Variants in FLNC observed in about 807,000 individuals in gnomAD.
FLNC encodes the protein filamin C.
Under a neutral mutation model 254.3 loss-of-function variants are expected in FLNC, and 91 were observed. That is an observed-to-expected ratio of 0.36 (90% CI 0.30 to 0.43). The LOEUF is 0.43. FLNC is among the 20% of genes least tolerant of loss of function. The pLI is 1.00. For synonymous variants in FLNC, 1,430 were observed against 1,577.2 expected, an observed-to-expected ratio of 0.91 and a Z score of 2.21; for missense variants, 2,853 against 3,802.6, an observed-to-expected ratio of 0.75 and a Z score of 6.57.
chr7:128,850,033 C>T lies in FLNC; in HGVS notation c.5257C>T (p.Pro1753Ser). ...EPSEVPQLRQ[P>S]YAPPRPGARP... ...CTCTGAAGTGCCACAGCTGCGCCAG[C>T]CCTACGCTCCTCCCCGGCCCGGCGC... The change falls in exon 31 of 48, where the codon CCC (proline) becomes TCC (serine). Residue 1753 changes from proline (P) to serine (S), a missense_variant. Transcript: ENST00000325888. 6.4e-7 allele frequency: 1 copy of T among 1,559,088 alleles called. No homozygotes were observed. The highest frequency in any genetic ancestry group is 1.2e-5 in the South Asian group (1 of 85,520).
chr7:128,831,134 C>A, intron 1 of FLNC, 145 bp downstream of exon 1: 2 of 746,140 alleles, frequency 2.7e-6, no homozygotes, highest in Non-Finnish European at 4.3e-6. Flanking sequence ...CTGGCCCCGG[C>A]CCTCCCACCC....
In FLNC at chr7:128,842,620, G is replaced by A. The variant is rs1031265089; in HGVS notation, c.2311G>A (p.Gly771Ser). 25 of 1,550,220 alleles carry A rather than the reference G, an allele frequency of 1.6e-5. No individual in the cohort carries two copies. Among genetic ancestry groups the A allele is most frequent in the South Asian group, 3.6e-5 (3 of 84,088 alleles). ...CCACCCCGAGCGGGTAAAGGTGTAC[G>A]GCCCCGGAGTGGAGAAGACAGGCCT... ...GSHPERVKVY[G>S]PGVEKTGLKA... The change falls in exon 15 of 48, where the codon GGC becomes AGC. Residue 771 changes from glycine (G) to serine (S), a missense_variant. Physicochemically the swap from Gly to Ser is moderately conservative, Grantham distance 56 (BLOSUM62 0). Coordinates refer to ENST00000325888, the MANE Select transcript of FLNC (RefSeq NM_001458.5). The surrounding 1 kb of genome is among the most constrained non-coding windows in gnomAD (Gnocchi z 5.4).
chr7:128,852,402 CCT>C (rs1440126130), intron 35 of FLNC, among the ~76,000 whole-genome samples, 187 bp from the exon 36 acceptor site: 1 of 152,180 alleles, frequency 6.6e-6, no homozygotes, highest in Non-Finnish European at 1.5e-5. Context: ...GGTACAGGCC[CCT>C]CTTAGTCTCT....
chr7:128,855,350 AT>A, intron 43 of FLNC, 36 bp downstream of exon 43: 2 of 1,330,922 alleles, frequency 1.5e-6, no homozygotes, highest in Non-Finnish European at 2.2e-6. Context: ...GGTTTCTGCT[AT>A]CTGAGAGATG....
chr7:128,837,064 A>T, intron 2 of FLNC, 96 bp from the exon 3 acceptor site: 2 of 885,126 alleles, frequency 2.3e-6, no homozygotes, highest in Non-Finnish European at 3.7e-6. Context: ...GAAGGGGTGT[A>T]AAGCCACAGC....
At position 128,842,581 on chromosome 7, in the gene FLNC, G is replaced by T; in HGVS notation, c.2272G>T (p.Val758Leu). Residue 758 changes from valine (V) to leucine (L), a missense_variant, in exon 15 of 48, where the codon GTG becomes TTG. Val to Leu is a conservative substitution (Grantham distance 32, BLOSUM62 1). Around this residue, in one of 10 missense-constraint regions of FLNC, gnomAD observed 1,573 missense variants for 1,883.5 expected, o/e 0.84. Transcript: ENST00000325888. This position sits in a 1 kb window ranked among gnomAD's most constrained non-coding sequence, Gnocchi z 5.4. Reference protein sequence around the residue: ...NVPKSPFRVNVGEGSHPERVK... With the variant: ...NVPKSPFRVNLGEGSHPERVK... ...GCTGCGACCCCTCCCGCAGGTGAAC[G>T]TGGGCGAGGGCAGCCACCCCGAGCG... The T allele has an allele frequency of 1.3e-6, 2 of 1,549,306 alleles. No homozygotes were observed. Among genetic ancestry groups the T allele is most frequent in the Non-Finnish European group, 1.7e-6 (2 of 1,146,942 alleles).
At position 128,854,037 on chromosome 7, in the gene FLNC, A is replaced by G; in HGVS notation, c.6548A>G (p.His2183Arg). Residue 2183 changes from histidine to arginine, a missense_variant, in exon 40 of 48, where the codon CAC becomes CGC. His to Arg is a conservative substitution (Grantham distance 29, BLOSUM62 0). Transcript: ENST00000325888. Reference sequence around the variant, plus strand: ...ACACGCACCTTCACACGCAGCAGCCACACCTACACCCGCACGGAGCGCACG... The same window carrying G: ...ACACGCACCTTCACACGCAGCAGCCGCACCTACACCCGCACGGAGCGCACG... ...RLTRTFTRSS[H>R]TYTRTERTEI... is the part of the protein sequence containing the mutation. 1 of 1,613,294 alleles carries G rather than the reference A, an allele frequency of 6.2e-7. No individual in the cohort carries two copies. The highest frequency in any genetic ancestry group is 8.5e-7 in the Non-Finnish European group (1 of 1,179,988).
Position 128,853,570 on chromosome 7 carries a change from G to A in FLNC, c.6310G>A (p.Glu2104Lys), listed in dbSNP as rs753069149. 5 of 1,614,130 alleles carry A rather than the reference G, an allele frequency of 3.1e-6. No individual in the cohort carries two copies. The highest frequency in any genetic ancestry group is 4.2e-6 in the Non-Finnish European group (5 of 1,180,038). Residue 2104 changes from glutamate to lysine, a missense_variant, in exon 38 of 48, where the codon GAG (glutamate) becomes AAG (lysine). Glu to Lys is a moderately conservative substitution (Grantham distance 56, BLOSUM62 1). This residue lies in a region of FLNC where 551 missense variants were observed against 835.0 expected (regional missense o/e 0.66). Coordinates refer to ENST00000325888, the MANE Select transcript of FLNC (RefSeq NM_001458.5). ...ATGCAAAGTCACCTACTGCCCCACC[G>A]AGCCCGGCACCTACATCATCAACAT... ...GTCKVTYCPT[E>K]PGTYIINIKF...
chr7:128,850,270 C>G (rs1808751988), intron 31 of FLNC, 114 bp from the exon 32 acceptor site: 1 of 1,036,540 alleles, frequency 9.6e-7, no homozygotes, highest in East Asian at 2.4e-5. Context: ...TCCTGCCACG[C>G]TGGTTTCATG....
Position 128,856,435 on chromosome 7 carries a change from A to G in FLNC, c.7252-83A>G. Reference sequence around the variant, plus strand: ...GCAGCAGCCTTTGGGCTGGGCTTACAGTGAGCACCGTGTGGGGCTTCAGAG... The same window carrying G: ...GCAGCAGCCTTTGGGCTGGGCTTACGGTGAGCACCGTGTGGGGCTTCAGAG... On this transcript the variant is annotated intron_variant, in intron 43 of 47. Transcript: ENST00000325888. This position sits in a 1 kb window ranked among gnomAD's most constrained non-coding sequence, Gnocchi z 5.9. The G allele has an allele frequency of 1.9e-6, 3 of 1,561,556 alleles. No individual in the cohort carries two copies. The South Asian group carries it at 3.3e-5, about 17-fold the overall frequency.
At position 128,838,697 on chromosome 7, in the gene FLNC, G is replaced by A. The variant is rs779890960; in HGVS notation, c.1305G>A (p.Thr435=). Residue 435 remains threonine, a synonymous_variant, in exon 8 of 48, where the codon ACG becomes ACA. Transcript: ENST00000325888. The part of the protein sequence containing the change: ...EVALEDKGDS[T]FRCTYRPAME... ...CCCTGGAGGACAAGGGTGACAGCAC[G>A]TTCCGCTGCACATACAGACCTGCCA... 9 of 1,612,908 alleles carry A rather than the reference G, an allele frequency of 5.6e-6. No individual in the cohort carries two copies. In the Admixed American group the frequency reaches 6.7e-5, roughly 12 times the overall value.
rs1191931821 is a variant in FLNC, at chr7:128,854,046, CCCGCACGGA to C, written c.6558_6566del (p.Arg2190_Glu2192del). The C allele has an allele frequency of 1.2e-6, 2 of 1,613,166 alleles. No homozygotes were observed. Among genetic ancestry groups the C allele is most frequent in the Non-Finnish European group, 1.7e-6 (2 of 1,180,006 alleles). ...TTCACACGCAGCAGCCACACCTACA[CCCGCACGGA>C]GCGCACGGAGATCAGCAAGACGCGG... On this transcript the variant is annotated inframe_deletion, in exon 40 of 48. Coordinates refer to ENST00000325888, the MANE Select transcript of FLNC (RefSeq NM_001458.5).
chr7:128,852,757 G>A lies in FLNC; in HGVS notation c.6004+5G>A, dbSNP rs1808874555. 1.2e-6 allele frequency: 2 copies of A among 1,613,286 alleles called. No individual in the cohort carries two copies. The highest frequency in any genetic ancestry group is 8.5e-7 in the Non-Finnish European group (1 of 1,179,792). On this transcript the variant is annotated splice_donor_5th_base_variant and intron_variant, in intron 36 of 47. Transcript: ENST00000325888. ...GCCTGCCCAACCGGCACATTGGTGA[G>A]CGTGGGGCCTCACGGGGACCTCAGG...
rs373973635 is a variant in FLNC, at chr7:128,857,132, T to A, written c.7576T>A (p.Phe2526Ile). Reference protein sequence around the residue: ...EGGTTGVSSEFIVNTLNAGSG... With the variant: ...EGGTTGVSSEIIVNTLNAGSG... ...CTGGCCCCCAGGTGTGTCATCAGAG[T>A]TCATCGTGAACACCCTGAATGCCGG... The change falls in exon 46 of 48, where the codon TTC becomes ATC. Residue 2526 changes from phenylalanine (F) to isoleucine (I), a missense_variant. Phe to Ile is a conservative substitution (Grantham distance 21). Around this residue, in one of 10 missense-constraint regions of FLNC, gnomAD observed 197 missense variants for 351.5 expected, o/e 0.56. Transcript: ENST00000325888. This position sits in a 1 kb window ranked among gnomAD's most constrained non-coding sequence, Gnocchi z 4.5. 9.9e-6 allele frequency: 16 copies of A among 1,613,882 alleles called. No homozygotes were observed. Among genetic ancestry groups the A allele is most frequent in the Non-Finnish European group, 1.4e-5 (16 of 1,179,980 alleles).
Position 128,835,453 on chromosome 7 carries a change from G to T in FLNC, c.480G>T (p.Thr160=). ...ATGATGAGGATGCCCGCAAACAGAC[G>T]CCCAAGCAGCGGCTGCTTGGCTGGA... ...DEDDEDARKQ[T]PKQRLLGWIQ... The change falls in exon 2 of 48, where the codon ACG becomes ACT. Residue 160 remains threonine, a synonymous_variant. Coordinates refer to ENST00000325888, the MANE Select transcript of FLNC (RefSeq NM_001458.5). The surrounding 1 kb of genome is among the most constrained non-coding windows in gnomAD (Gnocchi z 5.3). 1 of 1,613,990 alleles carries T rather than the reference G, an allele frequency of 6.2e-7. No individual in the cohort carries two copies.
At position 128,844,760 on chromosome 7, in the gene FLNC, G is replaced by A. The variant is rs759452636; in HGVS notation, c.3295G>A (p.Val1099Ile). ...TGGCACAGGTGGCCTGGGGCTGACC[G>A]TAGAGGGCCCCTGCGAGGCCAAGAT... ...GAGTGGLGLT[V>I]EGPCEAKIEC... Residue 1099 changes from valine to isoleucine, a missense_variant, in exon 21 of 48, where the codon GTA becomes ATA. Physicochemically the swap from Val to Ile is conservative, Grantham distance 29 (BLOSUM62 3). Around this residue, in one of 10 missense-constraint regions of FLNC, gnomAD observed 1,573 missense variants for 1,883.5 expected, o/e 0.84. Transcript: ENST00000325888. The A allele has an allele frequency of 3.4e-5, 55 of 1,613,910 alleles. No individual in the cohort carries two copies. The highest frequency in any genetic ancestry group is 4.2e-5 in the Non-Finnish European group (49 of 1,180,046).
chr7:128,850,965 G>C, intron 33 of FLNC, 22 bp downstream of exon 33: 3 of 1,613,148 alleles, frequency 1.9e-6, no homozygotes, highest in Non-Finnish European at 2.5e-6. Context: ...GCTGGGCTGG[G>C]CTGGGGCTTG....
intron 35 of FLNC, 94 bp from the exon 36 acceptor site, chr7:128,852,497 G>A: frequency 6.9e-7 from 1 of 1,455,470 alleles, no homozygotes; most frequent in East Asian, 2.3e-5. Flanking sequence ...TGTCTGTTGA[G>A]TCCAGGGGGG....
chr7:128,849,157 C>T lies in FLNC; in HGVS notation c.4928-24C>T, dbSNP rs780184282. ...CCAGCCCACGTTGAGCACCGCCTGG[C>T]CTCACACTCTTCTCTCTTTCCAGTG... On this transcript the variant is annotated intron_variant, in intron 28 of 47. Coordinates refer to ENST00000325888, the MANE Select transcript of FLNC (RefSeq NM_001458.5). The T allele has an allele frequency of 2.5e-6, 4 of 1,611,700 alleles. No individual in the cohort carries two copies. The Admixed American group carries it at 5.0e-5, about 20-fold the overall frequency.
Sources: allele counts gnomAD v4.1 joint callset (sites outside exome capture counted in the v4.1 genomes callset), GRCh38; gene constraint gnomAD v4.1.1; regional missense constraint gnomAD v4.1.1; non-coding constraint Gnocchi (gnomAD v3.1); transcripts MANE v1.5; gene names NCBI Gene and HGNC (gene_info 2026-07-23, HGNC 2026-07-21).